The following VPS41 variants were observed in gnomAD, a reference collection of about 807,000 sequenced individuals.
VPS41 encodes the protein VPS41 subunit of HOPS complex, also known as vacuolar protein sorting-associated protein 41 homolog.
In VPS41, 85 loss-of-function variants were observed where a neutral mutation model predicts 130.9. That is an observed-to-expected ratio of 0.65 (90% CI 0.55 to 0.78). The LOEUF (loss-of-function observed/expected upper bound fraction) is 0.78, where lower values mean the gene tolerates loss of function less well. Ranked by LOEUF, VPS41 falls within the 30% of genes least tolerant of loss-of-function variation. The pLI, the probability that VPS41 is intolerant of heterozygous loss-of-function variation, is 0.00. For synonymous variants in VPS41, 335 were observed against 332.9 expected (o/e 1.01, Z -0.07); for missense variants, 874 against 1,018.7 (o/e 0.86, Z 1.93).
At chr7:38,891,232 T>C (rs1050782678) in intron 2 of VPS41, among the ~76,000 whole-genome samples, 2 of 152,090 alleles carry the variant, frequency 1.3e-5, no homozygotes, top group African/African-American at 2.4e-5. Context: ...ACCTATAATA[T>C]GTATAAAGAT....
Position 38,799,266 on chromosome 7 carries a change from TATC to T in VPS41, c.451-2405_451-2403del, listed in dbSNP as rs1242165930. Among the ~76,000 whole-genome samples, 2 of 152,196 alleles carry T rather than the reference TATC, an allele frequency of 1.3e-5. 1 individual carries two copies. Among genetic ancestry groups the T allele is most frequent in the African/African-American group, 4.8e-5 (2 of 41,458 alleles). ...GAACTTAAAAGTAAAATCTAATTCTTATCATCATAATTCTCATGTAACAACAAA... is the reference window on the plus strand; with the variant it reads ...GAACTTAAAAGTAAAATCTAATTCTTATCATAATTCTCATGTAACAACAAA... On this transcript the variant is annotated intron_variant, in intron 7 of 28. Transcript: ENST00000310301.
intron 2 of VPS41, among the ~76,000 whole-genome samples, chr7:38,885,274 C>T (rs1489313544): frequency 1.3e-5 from 2 of 152,016 alleles, no homozygotes; most frequent in Non-Finnish European, 2.9e-5. Flanking sequence ...GGGGTTTCAC[C>T]GTATTAGCCA....
intron 1 of VPS41, among the ~76,000 whole-genome samples, chr7:38,899,940 G>A (rs904351378): frequency 6.6e-6 from 1 of 151,988 alleles, no homozygotes; most frequent in Non-Finnish European, 1.5e-5. Flanking sequence ...CCCCATTTAT[G>A]TTCTTCATTA....
At chr7:38,827,893 C>A (rs557975874) in intron 5 of VPS41, among the ~76,000 whole-genome samples, 1 of 152,116 alleles carries the variant, frequency 6.6e-6, no homozygotes, top group East Asian at 1.9e-4. Flanking sequence ...TGAAAAGAGA[C>A]CAGAACTAGA....
At chr7:38,783,597 C>CA (rs1784390757) in intron 10 of VPS41, among the ~76,000 whole-genome samples, 1 of 151,378 alleles carries the variant, frequency 6.6e-6, no homozygotes, top group Non-Finnish European at 1.5e-5. Context: ...AGGTGTAAAA[C>CA]AAAAAATAGC....
At chr7:38,728,926 C>T in intron 25 of VPS41, 135 bp from the exon 26 acceptor site, 1 of 746,568 alleles carries the variant, frequency 1.3e-6, no homozygotes, top group Non-Finnish European at 2.2e-6. Context: ...TTCTCTTGCC[C>T]TCAGTACCCT....
intron 4 of VPS41, among the ~76,000 whole-genome samples, chr7:38,832,051 GACT>G (rs777892714): frequency 1.3e-5 from 2 of 151,456 alleles, no homozygotes; most frequent in African/African-American, 2.4e-5. Context: ...TCATTTCCCT[GACT>G]ACTAATAAAC....
chr7:38,841,680 T>G (rs1785611088), intron 4 of VPS41, among the ~76,000 whole-genome samples: 1 of 152,252 alleles, frequency 6.6e-6, no homozygotes, highest in Non-Finnish European at 1.5e-5. Flanking sequence ...CTTGGCCTAC[T>G]GCAACCTCCA....
chr7:38,755,955 AT>A (rs1489841879), intron 19 of VPS41, among the ~76,000 whole-genome samples: 1 of 152,162 alleles, frequency 6.6e-6, no homozygotes, highest in Non-Finnish European at 1.5e-5. Context: ...TTGACTCAGT[AT>A]TTTAAAAAGG....
chr7:38,799,881 G>C (rs1172651666), intron 7 of VPS41, among the ~76,000 whole-genome samples: 7 of 152,066 alleles, frequency 4.6e-5, no homozygotes, highest in Non-Finnish European at 1.0e-4. Flanking sequence ...AACTGATAAA[G>C]ACGAATCAAA....
intron 21 of VPS41, 137 bp from the exon 22 acceptor site, chr7:38,752,450 G>T: frequency 9.7e-7 from 1 of 1,026,692 alleles, no homozygotes; most frequent in Non-Finnish European, 1.4e-6. Context: ...ACCTCTAGGT[G>T]ATGGAGAAGT....
At chr7:38,751,763 C>T (rs1783677267) in intron 22 of VPS41, among the ~76,000 whole-genome samples, 1 of 152,186 alleles carries the variant, frequency 6.6e-6, no homozygotes, top group African/African-American at 2.4e-5. Flanking sequence ...GCTATGACCT[C>T]AGTTTATCAA....
rs1351728698 is a variant in VPS41 at position 38,723,962 on chromosome 7, T to G, written c.*2284A>C. 3.3e-5 allele frequency: 5 copies of G among 152,110 alleles called. No individual in the cohort carries two copies. Among genetic ancestry groups the G allele is most frequent in the Admixed American group, 3.3e-4 (5 of 15,264 alleles). 9.4% of individuals were successfully genotyped at this position (152,110 alleles called of 1,614,324 possible). Reference sequence around the variant, plus strand: ...CTTTAATAAATCACCCAATACTGTTTATTCAAAAGAAAAGACATTCTAAGG... The same window carrying G: ...CTTTAATAAATCACCCAATACTGTTGATTCAAAAGAAAAGACATTCTAAGG... On this transcript the variant is annotated 3_prime_UTR_variant, in exon 29 of 29. Coordinates refer to ENST00000310301, the MANE Select transcript of VPS41 (RefSeq NM_014396.4).
chr7:38,864,191 G>A (rs1489555922), intron 3 of VPS41, among the ~76,000 whole-genome samples: 1 of 152,150 alleles, frequency 6.6e-6, no homozygotes, highest in Non-Finnish European at 1.5e-5. Flanking sequence ...AGGGAGCTTG[G>A]ATCTTTAAAA....
At chr7:38,892,547 T>G (rs867130580) in intron 2 of VPS41, among the ~76,000 whole-genome samples, 2 of 152,206 alleles carry the variant, frequency 1.3e-5, no homozygotes, top group African/African-American at 2.4e-5. Context: ...GGCCCAGACC[T>G]GCCTCTAACA....
chr7:38,800,756 A>G (rs893543582), intron 7 of VPS41, among the ~76,000 whole-genome samples: 1 of 152,166 alleles, frequency 6.6e-6, no homozygotes, highest in Non-Finnish European at 1.5e-5. Context: ...GAATCGCTTG[A>G]ACCTAGGAGG....
Position 38,772,629 on chromosome 7 carries a change from C to T in VPS41, c.1021G>A (p.Glu341Lys). The change falls in exon 13 of 29, where the codon GAA becomes AAA. Residue 341 changes from glutamate to lysine, a missense_variant. Glu to Lys is a moderately conservative substitution (Grantham distance 56). Transcript: ENST00000310301. ...ECRDYHLEYS[E>K]GESLFYIVSP... ...ACGATGTAAAAAAGTGATTCCCCTT[C>T]AGAGTATTCTGTAGGTGAGAAAAGA... The T allele has an allele frequency of 6.2e-7, 1 of 1,610,772 alleles. No individual in the cohort carries two copies. The highest frequency in any genetic ancestry group is 1.1e-5 in the South Asian group (1 of 90,828).
chr7:38,800,067 A>G (rs1432513844), intron 7 of VPS41, among the ~76,000 whole-genome samples: 4 of 152,182 alleles, frequency 2.6e-5, no homozygotes, highest in Admixed American at 2.6e-4. Flanking sequence ...GCTACCTAGA[A>G]ACTTACGCTA....
chr7:38,727,091 T>C, intron 27 of VPS41, 103 bp from the exon 28 acceptor site: 7 of 1,118,520 alleles, frequency 6.3e-6, no homozygotes, highest in South Asian at 2.3e-5. Context: ...TTTTCAGCAA[T>C]AAGGTGCCTT....
Sources: gnomAD v4.1 joint callset for allele counts (sites outside exome capture counted in the v4.1 genomes callset) on GRCh38, gnomAD v4.1.1 for gene constraint, MANE v1.5 for transcripts, NCBI Gene and HGNC (gene_info 2026-07-23, HGNC 2026-07-21) for gene names.